Variants in EBF1 observed in about 807,000 individuals in gnomAD.
EBF1 encodes the protein transcription factor COE1.
In EBF1, 10 loss-of-function variants were observed where a neutral mutation model predicts 68.4. The observed-to-expected ratio is 0.15, with a 90% CI of 0.09 to 0.25. The LOEUF (loss-of-function observed/expected upper bound fraction) is 0.25. Ranked by LOEUF, EBF1 falls within the 10% of genes least tolerant of loss-of-function variation. The pLI is 1.00. For missense variants in EBF1, 509 were observed against 794.4 expected (o/e 0.64, Z 4.32); for synonymous variants, 298 against 299.8 (o/e 0.99, Z 0.06).
At chr5:158,904,618 A>T (rs1360313599) in intron 6 of EBF1, among the ~76,000 whole-genome samples, 2 of 152,350 alleles carry the variant, frequency 1.3e-5, no homozygotes, top group East Asian at 3.9e-4. Flanking sequence ...AACCGAAATT[A>T]GAAAGGAACT....
intron 6 of EBF1, among the ~76,000 whole-genome samples, chr5:158,902,311 A>G (rs1374581410): frequency 6.6e-6 from 1 of 152,176 alleles, no homozygotes; most frequent in Non-Finnish European, 1.5e-5. Context: ...ATAATTACCT[A>G]TCAATTACTG....
At chr5:158,820,274 T>G (rs1290247322) in intron 8 of EBF1, among the ~76,000 whole-genome samples, 7 of 144,046 alleles carry the variant, frequency 4.9e-5, no homozygotes, top group African/African-American at 1.0e-4. Flanking sequence ...CGGTGGGGGG[T>G]GGGAGCGGAG....
At chr5:158,877,133 T>G (rs1797957354) in intron 6 of EBF1, among the ~76,000 whole-genome samples, 1 of 152,150 alleles carries the variant, frequency 6.6e-6, no homozygotes. Flanking sequence ...ACTTCAGTTT[T>G]CCCACAGTTC....
At chr5:158,835,994 A>G (rs888523856) in intron 7 of EBF1, among the ~76,000 whole-genome samples, 1 of 152,228 alleles carries the variant, frequency 6.6e-6, no homozygotes, top group South Asian at 2.1e-4. Context: ...ACATGGACAC[A>G]TGCATTTATA....
At chr5:158,791,761 G>A (rs182892904) in intron 9 of EBF1, among the ~76,000 whole-genome samples, 6 of 152,036 alleles carry the variant, frequency 3.9e-5, no homozygotes, top group South Asian at 2.1e-4. Context: ...AGAACTTAGC[G>A]TGAATTGTAA....
chr5:158,957,244 G>T (rs2127523646), intron 6 of EBF1, among the ~76,000 whole-genome samples: 1 of 152,302 alleles, frequency 6.6e-6, no homozygotes, highest in Non-Finnish European at 1.5e-5. Flanking sequence ...TAAAATTATA[G>T]ATATTTACCA....
At chr5:159,078,726 G>A (rs1779238090) in intron 5 of EBF1, among the ~76,000 whole-genome samples, 1 of 152,222 alleles carries the variant, frequency 6.6e-6, no homozygotes, top group Admixed American at 6.5e-5. Flanking sequence ...TTGGTAGCCA[G>A]CACCTGGTGT....
At chr5:158,772,893 T>C (rs1774172971) in intron 10 of EBF1, among the ~76,000 whole-genome samples, 1 of 152,146 alleles carries the variant, frequency 6.6e-6, no homozygotes, top group African/African-American at 2.4e-5. Flanking sequence ...TCCCTGATCC[T>C]AAAAACAACC....
intron 5 of EBF1, among the ~76,000 whole-genome samples, chr5:159,077,567 A>G (rs1778996392): frequency 6.6e-6 from 1 of 152,146 alleles, no homozygotes; most frequent in Non-Finnish European, 1.5e-5. Flanking sequence ...CCTGAATATA[A>G]GCCCCACAAA....
At chr5:158,701,345 T>A (rs1339534107) in intron 15 of EBF1, among the ~76,000 whole-genome samples, 1 of 132,576 alleles carries the variant, frequency 7.5e-6, no homozygotes, top group Non-Finnish European at 1.6e-5. Context: ...AAACATCCCA[T>A]TTGAATGGCC....
chr5:158,973,534 G>A (rs968778878), intron 6 of EBF1, among the ~76,000 whole-genome samples: 9 of 151,872 alleles, frequency 5.9e-5, no homozygotes, highest in East Asian at 1.9e-4. Context: ...GATATTTGGC[G>A]TCCTCCCTTT....
chr5:158,884,837 A>G (rs1160428811), intron 6 of EBF1, among the ~76,000 whole-genome samples: 3 of 152,222 alleles, frequency 2.0e-5, no homozygotes, highest in Non-Finnish European at 4.4e-5. Flanking sequence ...AAAAGTAGGT[A>G]GTATTATCCA....
At chr5:158,830,249 A>C (rs954324027) in intron 7 of EBF1, among the ~76,000 whole-genome samples, 7 of 152,094 alleles carry the variant, frequency 4.6e-5, no homozygotes, top group African/African-American at 4.8e-5. Context: ...CTCACAGTGC[A>C]GTTCTCACCC....
chr5:159,058,669 T>G (rs1775225071), intron 6 of EBF1, among the ~76,000 whole-genome samples: 1 of 152,216 alleles, frequency 6.6e-6, no homozygotes, highest in Non-Finnish European at 1.5e-5. Flanking sequence ...CCAGAGAATA[T>G]GAACAACAGA....
chr5:158,961,495 T>C (rs951715444), intron 6 of EBF1, among the ~76,000 whole-genome samples: 1 of 152,142 alleles, frequency 6.6e-6, no homozygotes, highest in African/African-American at 2.4e-5. Flanking sequence ...TGAGATACAC[T>C]ATAATATTCA....
chr5:158,967,088 G>A (rs917375615), intron 6 of EBF1, among the ~76,000 whole-genome samples: 15 of 151,476 alleles, frequency 9.9e-5, no homozygotes, highest in Admixed American at 2.6e-4. Context: ...GGAAATAAGA[G>A]ATTTGGGGGA....
chr5:158,812,817 T>C (rs1782946548), intron 8 of EBF1, among the ~76,000 whole-genome samples: 1 of 152,182 alleles, frequency 6.6e-6, no homozygotes, highest in African/African-American at 2.4e-5. Context: ...ATGCAAGTCC[T>C]CTTTCCAAAC....
chr5:158,927,739 T>G (rs1358719841), intron 6 of EBF1, among the ~76,000 whole-genome samples: 1 of 152,238 alleles, frequency 6.6e-6, no homozygotes, highest in African/African-American at 2.4e-5. Flanking sequence ...CTTGCTGGCT[T>G]GTGTTTGGCT....
intron 15 of EBF1, among the ~76,000 whole-genome samples, chr5:158,702,583 G>T (rs755687459): frequency 6.6e-6 from 1 of 151,844 alleles, no homozygotes; most frequent in African/African-American, 2.4e-5. Context: ...TGAGAGGGTG[G>T]AATGTGGTCG....
Sources: allele counts gnomAD v4.1 joint callset (sites outside exome capture counted in the v4.1 genomes callset), GRCh38; gene constraint gnomAD v4.1.1; transcripts MANE v1.5; gene names NCBI Gene and HGNC (gene_info 2026-07-23, HGNC 2026-07-21).